The following DLG2 variants were observed in gnomAD, a reference collection of about 807,000 sequenced individuals.
DLG2 encodes discs large MAGUK scaffold protein 2.
Under a neutral mutation model 132.5 loss-of-function variants are expected in DLG2, and 45 were observed. That is an observed-to-expected ratio of 0.34 (90% CI 0.27 to 0.44). The LOEUF (loss-of-function observed/expected upper bound fraction) is 0.44, where lower values mean the gene tolerates loss of function less well. DLG2 is among the 20% of genes least tolerant of loss of function. The pLI, the probability that DLG2 is intolerant of heterozygous loss-of-function variation, is 1.00. For synonymous variants in DLG2, 424 were observed against 419.6 expected, an observed-to-expected ratio of 1.01 and a Z score of -0.13; for missense variants, 1,045 against 1,196.9, an observed-to-expected ratio of 0.87 and a Z score of 1.87.
intron 4 of DLG2, among the ~76,000 whole-genome samples, chr11:85,260,327 T>C (rs2076877493): frequency 6.6e-6 from 1 of 152,222 alleles, no homozygotes; most frequent in Non-Finnish European, 1.5e-5. Context: ...TAGACATTTT[T>C]TGGATAGATA....
chr11:85,154,460 C>G (rs1265490596), intron 5 of DLG2, 96 bp downstream of exon 5: 4 of 629,638 alleles, frequency 6.4e-6, no homozygotes, highest in Admixed American at 3.7e-5. Context: ...TACACATTTT[C>G]TTTTCTTTCT....
At chr11:85,126,932 C>T (rs778694495) in intron 5 of DLG2, among the ~76,000 whole-genome samples, 10 of 152,080 alleles carry the variant, frequency 6.6e-5, no homozygotes, top group Non-Finnish European at 1.2e-4. Context: ...AAGGGGAAAC[C>T]ATTATTTTAC....
intron 2 of DLG2, among the ~76,000 whole-genome samples, chr11:85,620,658 G>A (rs2081630596): frequency 6.6e-6 from 1 of 152,216 alleles, no homozygotes; most frequent in Non-Finnish European, 1.5e-5. Context: ...CAAACCAGCT[G>A]TAATTCCCCT....
chr11:85,314,947 A>G (rs1358144360), intron 3 of DLG2, among the ~76,000 whole-genome samples: 1 of 152,012 alleles, frequency 6.6e-6, no homozygotes, highest in African/African-American at 2.4e-5. Context: ...TTCACAAGCC[A>G]GATTTCACAG....
chr11:83,558,534 C>A (rs2096557980), intron 19 of DLG2, among the ~76,000 whole-genome samples: 1 of 152,072 alleles, frequency 6.6e-6, no homozygotes, highest in South Asian at 2.1e-4. Context: ...CTTTATATAC[C>A]TTGGCACTGA....
intron 17 of DLG2, among the ~76,000 whole-genome samples, chr11:83,801,440 G>A (rs1473493130): frequency 4.0e-5 from 6 of 151,898 alleles, no homozygotes; most frequent in African/African-American, 1.5e-4. Context: ...CTTTCCTCGG[G>A]CTCTGCCTAT....
chr11:83,999,955 AT>A (rs1250275975), intron 11 of DLG2, among the ~76,000 whole-genome samples: 2 of 5,850 alleles, frequency 3.4e-4, no homozygotes, highest in Non-Finnish European at 5.4e-4. Context: ...CACTGGAAAC[AT>A]TAAAAAAAAA....
chr11:85,125,886 C>A (rs1048681164), intron 5 of DLG2, among the ~76,000 whole-genome samples: 1 of 151,590 alleles, frequency 6.6e-6, no homozygotes, highest in Non-Finnish European at 1.5e-5. Context: ...GAGTTTCTGT[C>A]TAGTCAAAAG....
chr11:84,293,578 G>A (rs1334400510), intron 7 of DLG2, among the ~76,000 whole-genome samples: 1 of 152,198 alleles, frequency 6.6e-6, no homozygotes, highest in Non-Finnish European at 1.5e-5. Context: ...GGAGGCTGAG[G>A]TAGGAGAATT....
chr11:85,085,618 G>A (rs2067820728), intron 6 of DLG2, among the ~76,000 whole-genome samples: 1 of 152,068 alleles, frequency 6.6e-6, no homozygotes, highest in Admixed American at 6.5e-5. Context: ...ACTAGACTAA[G>A]ACTATCATTT....
At chr11:85,206,912 T>A (rs1437236194) in intron 4 of DLG2, among the ~76,000 whole-genome samples, 1 of 151,934 alleles carries the variant, frequency 6.6e-6, no homozygotes, top group East Asian at 1.9e-4. Flanking sequence ...ACAAAAAAAA[T>A]CTTCAAAGAT....
intron 6 of DLG2, among the ~76,000 whole-genome samples, chr11:85,005,143 T>C (rs1284640045): frequency 1.3e-5 from 2 of 152,208 alleles, no homozygotes; most frequent in African/African-American, 4.8e-5. Context: ...TGTAGTATAG[T>C]TTGAAGTCAA....
intron 6 of DLG2, among the ~76,000 whole-genome samples, chr11:84,780,386 AT>A (rs1444533466): frequency 2.0e-5 from 3 of 152,160 alleles, no homozygotes; most frequent in Non-Finnish European, 4.4e-5. Flanking sequence ...CCTCAAAAAA[AT>A]ATAGGCCATA....
intron 18 of DLG2, among the ~76,000 whole-genome samples, chr11:83,686,624 T>C (rs1212953945): frequency 6.6e-6 from 1 of 152,212 alleles, no homozygotes; most frequent in Non-Finnish European, 1.5e-5. Flanking sequence ...TGAAGTCTTA[T>C]CTTCACTACT....
At chr11:84,480,962 C>T (rs527616180) in intron 7 of DLG2, among the ~76,000 whole-genome samples, 36 of 152,172 alleles carry the variant, frequency 2.4e-4, no homozygotes, top group African/African-American at 8.7e-4. Context: ...TGATCTGGAA[C>T]TCCTTACCTC....
intron 6 of DLG2, among the ~76,000 whole-genome samples, chr11:84,895,384 T>C (rs2090053362): frequency 6.6e-6 from 1 of 152,134 alleles, no homozygotes; most frequent in Non-Finnish European, 1.5e-5. Flanking sequence ...GTGATTTTAT[T>C]ATTTTTTAAA....
chr11:83,920,066 G>A (rs1347395580), intron 15 of DLG2, among the ~76,000 whole-genome samples: 1 of 152,166 alleles, frequency 6.6e-6, no homozygotes, highest in African/African-American at 2.4e-5. Context: ...CTGACACAGT[G>A]CGTGCCAGAA....
intron 9 of DLG2, among the ~76,000 whole-genome samples, chr11:84,109,454 G>A (rs1329928685): frequency 6.6e-6 from 1 of 152,160 alleles, no homozygotes; most frequent in Non-Finnish European, 1.5e-5. Flanking sequence ...AGAATAGGCT[G>A]GGTGGATTGA....
intron 18 of DLG2, among the ~76,000 whole-genome samples, chr11:83,757,515 C>T (rs1317018851): frequency 6.6e-6 from 1 of 152,156 alleles, no homozygotes; most frequent in Non-Finnish European, 1.5e-5. Flanking sequence ...ATGGTAGGGA[C>T]AACCCACCAT....
Sources: gnomAD v4.1 joint callset for allele counts (sites outside exome capture counted in the v4.1 genomes callset) on GRCh38, gnomAD v4.1.1 for gene constraint, MANE v1.5 for transcripts, NCBI Gene and HGNC (gene_info 2026-07-23, HGNC 2026-07-21) for gene names.